Variants in AKAP13 observed in about 807,000 individuals in gnomAD.
AKAP13 encodes A-kinase anchoring protein 13.
A neutral mutation model predicts 264.5 loss-of-function variants in AKAP13; 80 were observed. The ratio of observed to expected loss-of-function variants is 0.30; its 90% CI spans 0.25 to 0.36. The LOEUF is 0.36. Ranked by LOEUF, AKAP13 falls within the 10% of genes least tolerant of loss-of-function variation. AKAP13 has a pLI of 1.00. For synonymous variants in AKAP13, 1,380 were observed against 1,250.2 expected (o/e 1.10, Z -2.19); for missense variants, 3,712 against 3,435.2 (o/e 1.08, Z -2.01).
intron 8 of AKAP13, among the ~76,000 whole-genome samples, chr15:85,626,521 A>C (rs1313807264): frequency 6.6e-6 from 1 of 152,228 alleles, no homozygotes; most frequent in Non-Finnish European, 1.5e-5. Context: ...TGACTGTCTT[A>C]TTTCACTTAG....
rs531446691 is a variant in AKAP13 at position 85,743,850 on chromosome 15, C to T, written c.8392+25C>T. Reference sequence around the variant, plus strand: ...GGTGAGTCACGCACACCTGCTCTCCCTGTGGCCATAGTGTCTGTGCATTCT... The same window carrying T: ...GGTGAGTCACGCACACCTGCTCTCCTTGTGGCCATAGTGTCTGTGCATTCT... On this transcript the variant is annotated intron_variant, in intron 36 of 36. Transcript: ENST00000394518. The T allele has an allele frequency of 4.3e-5, 68 of 1,587,184 alleles. No homozygotes were observed. The Admixed American group carries it at 1.2e-3, about 27-fold the overall frequency.
At chr15:85,652,771 G>C (rs951379806) in intron 10 of AKAP13, among the ~76,000 whole-genome samples, 5 of 152,058 alleles carry the variant, frequency 3.3e-5, no homozygotes, top group Non-Finnish European at 5.9e-5. Context: ...TTCAGTCCTT[G>C]GTGTTCCTTG....
At chr15:85,674,786 T>G (rs2084126892) in intron 14 of AKAP13, among the ~76,000 whole-genome samples, 1 of 152,172 alleles carries the variant, frequency 6.6e-6, no homozygotes, top group African/African-American at 2.4e-5. Context: ...TTTTCTGGAT[T>G]TCTTCTCTAA....
intron 1 of AKAP13, among the ~76,000 whole-genome samples, chr15:85,476,860 G>A (rs1031763438): frequency 6.6e-6 from 1 of 152,152 alleles, no homozygotes; most frequent in Non-Finnish European, 1.5e-5. Context: ...AAATAAGTAC[G>A]TTTAATTTTT....
chr15:85,555,309 T>C, intron 5 of AKAP13: 1 of 598,904 alleles, frequency 1.7e-6, no homozygotes, highest in Non-Finnish European at 2.7e-6. Flanking sequence ...TTTGAGAAGA[T>C]ATTGCAATAG....
chr15:85,644,693 CAAAAAAAAAAA>C (rs1161365911), intron 9 of AKAP13, among the ~76,000 whole-genome samples: 2 of 103,904 alleles, frequency 1.9e-5, no homozygotes, highest in Non-Finnish European at 1.9e-5. Flanking sequence ...ACTAAAAATA[CAAAAAAAAAAA>C]AAAAAAAAAA....
At chr15:85,493,731 C>T (rs535637469) in intron 2 of AKAP13, among the ~76,000 whole-genome samples, 1 of 152,264 alleles carries the variant, frequency 6.6e-6, no homozygotes, top group African/African-American at 2.4e-5. Flanking sequence ...ATAGTACATG[C>T]CCCCTTTGTC....
chr15:85,682,734 C>G (rs1210029603), intron 15 of AKAP13, among the ~76,000 whole-genome samples: 1 of 152,044 alleles, frequency 6.6e-6, no homozygotes, highest in East Asian at 1.9e-4. Flanking sequence ...ATGGCGCGAT[C>G]TTGGCTCACT....
chr15:85,426,942 ATTGTT>A (rs1195985467), intron 1 of AKAP13, among the ~76,000 whole-genome samples: 2 of 125,078 alleles, frequency 1.6e-5, no homozygotes, highest in East Asian at 2.2e-4. Flanking sequence ...CCTCCTTAGT[ATTGTT>A]TTGTTTTGTT....
intron 30 of AKAP13, among the ~76,000 whole-genome samples, chr15:85,732,134 C>T (rs1425790077): frequency 6.6e-6 from 1 of 151,050 alleles, no homozygotes; most frequent in Non-Finnish European, 1.5e-5. Context: ...AATTCCTAAC[C>T]TTATTAAAAG....
chr15:85,630,166 T>TACACACACAC (rs59852934), intron 8 of AKAP13, among the ~76,000 whole-genome samples: 51 of 100,184 alleles, frequency 5.1e-4, no homozygotes, highest in African/African-American at 1.2e-3. Context: ...TTTTAACACA[T>TACACACACAC]ACACACACAC....
At chr15:85,720,101 G>A (rs8033869) in intron 23 of AKAP13, among the ~76,000 whole-genome samples, 9,379 of 151,992 alleles carry the variant, frequency 0.062, 937 homozygotes, top group African/African-American at 0.21. Flanking sequence ...AGGTGTGGTA[G>A]TGCACACTTG....
chr15:85,529,568 T>C (rs904697834), intron 3 of AKAP13, among the ~76,000 whole-genome samples: 8 of 152,198 alleles, frequency 5.3e-5, no homozygotes, highest in Admixed American at 4.6e-4. Context: ...GTAAAATTAT[T>C]GAGTCTGTAT....
intron 5 of AKAP13, among the ~76,000 whole-genome samples, chr15:85,550,978 C>T (rs114713381): frequency 0.012 from 1,856 of 152,256 alleles, 39 homozygotes; most frequent in African/African-American, 0.042. Flanking sequence ...TTTAAAACCC[C>T]TCAGCAAACC....
In AKAP13 at chr15:85,631,916, A is replaced by G. The variant is rs368656292; in HGVS notation, c.4162-7458A>G. 5.3e-5 allele frequency among the ~76,000 whole-genome samples: 8 copies of G among 152,340 alleles called. No individual in the cohort carries two copies. In the South Asian group the frequency reaches 1.0e-3, roughly 20 times the overall value. On this transcript the variant is annotated intron_variant, in intron 8 of 36. Coordinates refer to ENST00000394518, the MANE Select transcript of AKAP13 (RefSeq NM_007200.5). ...TGAAGAAAATTTGGGAAACTACAGGAAAGTTAAAAGGAATATAAGTTGTCT... is the reference window on the plus strand; with the variant it reads ...TGAAGAAAATTTGGGAAACTACAGGGAAGTTAAAAGGAATATAAGTTGTCT...
At chr15:85,635,897 T>G (rs1027535911) in intron 8 of AKAP13, among the ~76,000 whole-genome samples, 4 of 152,202 alleles carry the variant, frequency 2.6e-5, no homozygotes, top group African/African-American at 9.6e-5. Context: ...GAAGGTCTGT[T>G]TGTGGATTCT....
At chr15:85,710,429 T>TG in intron 18 of AKAP13, 150 bp from the exon 19 acceptor site, 2 of 610,530 alleles carry the variant, frequency 3.3e-6, no homozygotes, top group Non-Finnish European at 2.8e-6. Context: ...GGATGGCAAT[T>TG]GGGGGCGACC....
chr15:85,708,643 T>C lies in AKAP13; in HGVS notation c.5532+557T>C, dbSNP rs2086453216. On this transcript the variant is annotated intron_variant, in intron 18 of 36. Coordinates refer to ENST00000394518, the MANE Select transcript of AKAP13 (RefSeq NM_007200.5). This position sits in a 1 kb window ranked among gnomAD's most constrained non-coding sequence, Gnocchi z 4.3. ...GAGCATGTATGCTATGTAATCATGC[T>C]TTCCCAGTGGCCCTTAAAAAAAAGT... Among the ~76,000 whole-genome samples, 1 of 152,190 alleles carries C rather than the reference T, an allele frequency of 6.6e-6. No individual in the cohort carries two copies. The highest frequency in any genetic ancestry group is 2.1e-4 in the South Asian group (1 of 4,824).
intron 1 of AKAP13, among the ~76,000 whole-genome samples, chr15:85,452,453 G>A (rs1002287680): frequency 6.6e-6 from 1 of 152,152 alleles, no homozygotes; most frequent in Admixed American, 6.5e-5. Flanking sequence ...CTGGCCATTT[G>A]AGTTACTAGA....
Sources: gnomAD v4.1 joint callset for allele counts (sites outside exome capture counted in the v4.1 genomes callset) on GRCh38, gnomAD v4.1.1 for gene constraint, Gnocchi (gnomAD v3.1) non-coding constraint, MANE v1.5 for transcripts, NCBI Gene and HGNC (gene_info 2026-07-23, HGNC 2026-07-21) for gene names.